The following FHAD1 variants were observed in gnomAD, a reference collection of about 807,000 sequenced individuals.
The protein encoded by FHAD1 is forkhead-associated domain-containing protein 1.
Under a neutral mutation model 191.3 loss-of-function variants are expected in FHAD1, and 146 were observed. That is an observed-to-expected ratio of 0.76 (90% CI 0.67 to 0.88). FHAD1 has a LOEUF of 0.88. FHAD1 is among the 40% of genes least tolerant of loss of function. The pLI, the probability that FHAD1 is intolerant of heterozygous loss-of-function variation, is 0.00. For missense variants in FHAD1, 1,635 were observed against 1,785.8 expected (o/e 0.92, Z 1.52); for synonymous variants, 616 against 672.3 (o/e 0.92, Z 1.29).
chr1:15,256,676 T>C (rs114769268), intron 2 of FHAD1, among the ~76,000 whole-genome samples: 1,621 of 111,806 alleles, frequency 0.014, 14 homozygotes, highest in South Asian at 0.034. Context: ...AAAAAAAGAG[T>C]GGAGAGCTGA....
rs568857428 is a variant in FHAD1 at position 15,256,366 on chromosome 1, C to T, written c.93+4489C>T. Among the ~76,000 whole-genome samples the T allele has an allele frequency of 2.0e-5, 3 of 152,120 alleles. No individual in the cohort carries two copies. In the South Asian group the frequency reaches 6.2e-4, roughly 32 times the overall value. On this transcript the variant is annotated intron_variant, in intron 2 of 33. Coordinates refer to ENST00000688493, the MANE Select transcript of FHAD1 (RefSeq NM_001391957.1). ...GTCCCCACAGAGATGCTTCCAGGACCGCACAGCCAGGCACGGTGGCTCACG... is the reference window on the plus strand; with the variant it reads ...GTCCCCACAGAGATGCTTCCAGGACTGCACAGCCAGGCACGGTGGCTCACG...
chr1:15,390,486 C>A (rs1407420107), intron 32 of FHAD1, among the ~76,000 whole-genome samples: 1 of 152,164 alleles, frequency 6.6e-6, no homozygotes, highest in East Asian at 1.9e-4. Context: ...AGGACCCCGG[C>A]CCCTGGGTTT....
At position 15,396,383 on chromosome 1, in the gene FHAD1, C is replaced by A. The variant is rs544122631; in HGVS notation, c.4324-914C>A. Among the ~76,000 whole-genome samples, 13 of 151,954 alleles carry A rather than the reference C, an allele frequency of 8.6e-5. No homozygotes were observed. In the South Asian group the frequency reaches 2.7e-3, roughly 32 times the overall value. The stretch of plus-strand genomic sequence containing the variant: ...CAATATCTGTATACCTGGAAGGGTG[C>A]ACCCCAAAACCTCACTAAAGCTCAT... On this transcript the variant is annotated intron_variant, in intron 33 of 33. Transcript: ENST00000688493.
At chr1:15,397,034 A>T (rs1164695908) in intron 33 of FHAD1, among the ~76,000 whole-genome samples, 16 of 148,444 alleles carry the variant, frequency 1.1e-4, no homozygotes, top group Non-Finnish European at 1.8e-4. Flanking sequence ...AAAAAAAAAA[A>T]AAAAAAATTA....
intron 3 of FHAD1, among the ~76,000 whole-genome samples, chr1:15,287,503 G>T (rs1662908755): frequency 6.6e-6 from 1 of 152,138 alleles, no homozygotes; most frequent in Non-Finnish European, 1.5e-5. Context: ...AGGGGGTGGG[G>T]AAAGCCCATT....
chr1:15,237,832 C>G (rs1355848661), intron 1 of FHAD1, among the ~76,000 whole-genome samples: 1 of 151,980 alleles, frequency 6.6e-6, no homozygotes, highest in African/African-American at 2.4e-5. Flanking sequence ...ATGTTTAGAC[C>G]AAATAAAATG....
chr1:15,352,946 G>T lies in FHAD1; in HGVS notation c.2524G>T (p.Val842Leu), dbSNP rs1036568537. 1 of 1,551,424 alleles carries T rather than the reference G, an allele frequency of 6.4e-7. No homozygotes were observed. Among genetic ancestry groups the T allele is most frequent in the Non-Finnish European group, 8.7e-7 (1 of 1,146,930 alleles). The part of the protein sequence containing the change: ...KEAMEKEKKK[V>L]QDLENRLTKQ... Reference sequence around the variant, plus strand: ...GGCCATGGAGAAGGAAAAGAAAAAGGTGCAAGACCTGGAGAATCGCTTAAC... The same window carrying T: ...GGCCATGGAGAAGGAAAAGAAAAAGTTGCAAGACCTGGAGAATCGCTTAAC... Residue 842 changes from valine to leucine, a missense_variant, in exon 20 of 34, where the codon GTG becomes TTG. By Grantham distance (32) the Val-to-Leu change is conservative. Transcript: ENST00000688493.
At chr1:15,395,898 A>ACACC (rs1705794316) in intron 33 of FHAD1, among the ~76,000 whole-genome samples, 1 of 152,166 alleles carries the variant, frequency 6.6e-6, no homozygotes, top group Non-Finnish European at 1.5e-5. Context: ...AAAAGTTTGG[A>ACACC]CACCCAGTTC....
intron 11 of FHAD1, 88 bp from the exon 12 acceptor site, chr1:15,326,971 G>A (rs964876466): frequency 2.6e-6 from 2 of 754,910 alleles, no homozygotes; most frequent in Non-Finnish European, 2.3e-6. Flanking sequence ...CTGCTAAGTG[G>A]TGTTTCCCGC....
intron 14 of FHAD1, among the ~76,000 whole-genome samples, chr1:15,337,677 C>T (rs980530886): frequency 6.6e-5 from 10 of 152,166 alleles, no homozygotes; most frequent in African/African-American, 2.4e-4. Flanking sequence ...CAGTGCAATA[C>T]CAGCAATACG....
intron 3 of FHAD1, among the ~76,000 whole-genome samples, chr1:15,273,567 G>A (rs866368773): frequency 4.6e-5 from 7 of 152,038 alleles, no homozygotes; most frequent in South Asian, 2.1e-4. Flanking sequence ...CATTTTAAGC[G>A]TACAATTCAA....
intron 31 of FHAD1, among the ~76,000 whole-genome samples, chr1:15,385,433 A>G (rs918892151): frequency 2.6e-5 from 4 of 152,130 alleles, no homozygotes; most frequent in African/African-American, 9.7e-5. Context: ...CACACAGACA[A>G]CCACTGTAGT....
At chr1:15,313,024 C>G (rs1237902843) in intron 7 of FHAD1, 33 bp from the exon 8 acceptor site, 1 of 1,550,478 alleles carries the variant, frequency 6.4e-7, no homozygotes, top group Admixed American at 2.0e-5. Flanking sequence ...TCCTCACTGC[C>G]TCTTTGACCT....
upstream of FHAD1, among the ~76,000 whole-genome samples, chr1:15,243,480 G>A (rs567106802): frequency 1.1e-4 from 16 of 152,284 alleles, no homozygotes; most frequent in South Asian, 2.1e-4. Context: ...TCTCCTGGCC[G>A]CGGCTGGGGC....
At chr1:15,399,856 A>G (rs1285886869), downstream of FHAD1, 1 of 152,244 alleles carries the variant, frequency 6.6e-6, no homozygotes, top group African/African-American at 2.4e-5. Flanking sequence ...GCAGCTGCTC[A>G]GCAGATACTA....
At chr1:15,387,179 A>G (rs1379039262) in intron 31 of FHAD1, among the ~76,000 whole-genome samples, 1 of 152,140 alleles carries the variant, frequency 6.6e-6, no homozygotes, top group Admixed American at 6.5e-5. Context: ...ATGAGCCACC[A>G]CACTCAGCCA....
upstream of FHAD1, among the ~76,000 whole-genome samples, chr1:15,246,250 C>T (rs925354314): frequency 5.9e-5 from 9 of 152,200 alleles, no homozygotes; most frequent in Non-Finnish European, 1.3e-4. Flanking sequence ...CCCCATGATT[C>T]AATCACCTCC....
rs1455636214 is a variant in FHAD1, at chr1:15,327,555, T to C, written c.1557+413T>C. On this transcript the variant is annotated intron_variant, in intron 12 of 33. Coordinates refer to ENST00000688493, the MANE Select transcript of FHAD1 (RefSeq NM_001391957.1). This position sits in a 1 kb window ranked among gnomAD's most constrained non-coding sequence, Gnocchi z 5.1. ...GCCTTGCTGTTCTTCCACTACACTT[T>C]CTAGCCCCCTGTGTCAAAGCACAGA... The C allele has an allele frequency of 6.0e-6, 1 of 165,326 alleles. No individual in the cohort carries two copies. The highest frequency in any genetic ancestry group is 2.4e-5 in the African/African-American group (1 of 41,654). 10.2% of individuals were successfully genotyped at this position (165,326 alleles called of 1,614,324 possible). A position where few individuals can be genotyped will look rare whatever the true frequency, so the allele number is the denominator to read the frequency against.
chr1:15,272,265 T>G, intron 2 of FHAD1, 58 bp from the exon 3 acceptor site: 1 of 1,472,862 alleles, frequency 6.8e-7, no homozygotes, highest in Non-Finnish European at 9.3e-7. Context: ...GCTCAAAACA[T>G]TAGGGGCCGT....
Sources: allele counts gnomAD v4.1 joint callset (sites outside exome capture counted in the v4.1 genomes callset), GRCh38; gene constraint gnomAD v4.1.1; non-coding constraint Gnocchi (gnomAD v3.1); transcripts MANE v1.5; gene names NCBI Gene and HGNC (gene_info 2026-07-23, HGNC 2026-07-21).